The following ST3GAL2 variants were observed in gnomAD, a reference collection of about 807,000 sequenced individuals.
ST3GAL2 encodes CMP-N-acetylneuraminate-beta-galactosamide-alpha-2,3-sialyltransferase 2.
ST3GAL2 carries 16 observed loss-of-function variants against 37.5 expected under a neutral mutation model. The observed-to-expected ratio is 0.43, with a 90% CI of 0.29 to 0.65. ST3GAL2 has a LOEUF of 0.65. ST3GAL2 is among the 30% of genes least tolerant of loss of function. ST3GAL2 has a pLI of 0.17. For synonymous variants in ST3GAL2, 238 were observed against 202.9 expected (o/e 1.17, Z -1.47); for missense variants, 383 against 487.8 (o/e 0.79, Z 2.02).
In ST3GAL2 at chr16:70,398,398, T is replaced by C; in HGVS notation, c.133A>G (p.Thr45Ala). 6.2e-7 allele frequency: 1 copy of C among 1,613,658 alleles called. No homozygotes were observed. The highest frequency in any genetic ancestry group is 1.1e-5 in the South Asian group (1 of 91,084). The change falls in exon 2 of 7, where the codon ACG (threonine) becomes GCG (alanine). Residue 45 changes from threonine (T) to alanine (A), a missense_variant. Around this residue, in one of 2 missense-constraint regions of ST3GAL2, gnomAD observed 223 missense variants for 239.1 expected, o/e 0.93. Coordinates refer to ENST00000342907, the MANE Select transcript of ST3GAL2 (RefSeq NM_006927.4). ...PYLDSGALDG[T>A]HRVKLVPGYA... ...CCGGGCACCAGCTTCACCCGGTGCG[T>C]CCCATCCAGGGCCCCTGAGTCCAGG...
chr16:70,394,150 CG>C (rs1485173329), intron 3 of ST3GAL2, among the ~76,000 whole-genome samples: 1 of 152,188 alleles, frequency 6.6e-6, no homozygotes, highest in African/African-American at 2.4e-5. Flanking sequence ...CAAGACTGAA[CG>C]CCCTCCCAAC....
intron 1 of ST3GAL2, among the ~76,000 whole-genome samples, chr16:70,418,953 A>G (rs1229867655): frequency 6.6e-6 from 1 of 152,182 alleles, no homozygotes; most frequent in Non-Finnish European, 1.5e-5. Context: ...CAGGAAGAGG[A>G]GACTCCAGGG....
chr16:70,382,927 G>A lies in ST3GAL2; in HGVS notation c.760-3C>T, dbSNP rs1319823681. 1.2e-6 allele frequency: 2 copies of A among 1,612,538 alleles called. No individual in the cohort carries two copies. Among genetic ancestry groups the A allele is most frequent in the East Asian group, 4.5e-5 (2 of 44,858 alleles). On this transcript the variant is annotated splice_polypyrimidine_tract_variant and splice_region_variant and intron_variant, in intron 5 of 6. Coordinates refer to ENST00000342907, the MANE Select transcript of ST3GAL2 (RefSeq NM_006927.4). ...AAGGCTGGGTTGTAGATCTGGACCT[G>A]GGAGGAGAAGGGATGACAGGTATAT...
rs2047403864 is a variant in ST3GAL2, at chr16:70,381,487, T to C, written c.*202A>G. ...CGGAAGTTTTCCTTGAGTCACATGATTGGCTGGGAGAAACAGAAGCTCCGC... is the reference window on the plus strand; with the variant it reads ...CGGAAGTTTTCCTTGAGTCACATGACTGGCTGGGAGAAACAGAAGCTCCGC... On this transcript the variant is annotated 3_prime_UTR_variant, in exon 7 of 7. Coordinates refer to ENST00000342907, the MANE Select transcript of ST3GAL2 (RefSeq NM_006927.4). The C allele has an allele frequency of 1.6e-5, 10 of 627,162 alleles. No homozygotes were observed. Among genetic ancestry groups the C allele is most frequent in the Admixed American group, 6.1e-5 (2 of 33,054 alleles). The allele number at this position is 627,162 out of a possible 1,614,324, so 38.8% of individuals were successfully genotyped here.
chr16:70,390,666 C>T (rs948422076), intron 3 of ST3GAL2, among the ~76,000 whole-genome samples: 2 of 152,192 alleles, frequency 1.3e-5, no homozygotes, highest in African/African-American at 2.4e-5. Flanking sequence ...TCCCCTCTCT[C>T]CTGCTGCTGT....
In ST3GAL2 at chr16:70,388,432, C is replaced by T; in HGVS notation, c.648G>A (p.Leu216=). ...GAAGGTCCAGGACCTTGAAGGGCAC[C>T]AGCACGAAGCTGACGTTGGCGGGCA... The part of the protein sequence containing the change: ...KNLPANVSFV[L]VPFKVLDLLW... The change falls in exon 4 of 7, where the codon CTG becomes CTA. Residue 216 remains leucine (L), a synonymous_variant. Coordinates refer to ENST00000342907, the MANE Select transcript of ST3GAL2 (RefSeq NM_006927.4). 6.2e-7 allele frequency: 1 copy of T among 1,614,144 alleles called. No homozygotes were observed. The highest frequency in any genetic ancestry group is 8.5e-7 in the Non-Finnish European group (1 of 1,180,034).
intron 1 of ST3GAL2, among the ~76,000 whole-genome samples, chr16:70,425,925 C>T (rs1030477348): frequency 2.0e-5 from 3 of 152,160 alleles, no homozygotes; most frequent in Non-Finnish European, 4.4e-5. Context: ...ACTGCCCAGA[C>T]GTGCGGATGG....
chr16:70,386,421 T>C (rs576462055), intron 4 of ST3GAL2, among the ~76,000 whole-genome samples: 1 of 152,222 alleles, frequency 6.6e-6, no homozygotes, highest in South Asian at 2.1e-4. Flanking sequence ...CTCCATCTCC[T>C]TACCTTGTGA....
intron 1 of ST3GAL2, among the ~76,000 whole-genome samples, chr16:70,420,382 G>C (rs2047706891): frequency 6.6e-6 from 1 of 152,188 alleles, no homozygotes; most frequent in African/African-American, 2.4e-5. Flanking sequence ...GAGACCTAGG[G>C]AAACAGGCAT....
At chr16:70,384,413 T>C (rs1170350503) in intron 4 of ST3GAL2, among the ~76,000 whole-genome samples, 2 of 152,114 alleles carry the variant, frequency 1.3e-5, no homozygotes, top group East Asian at 1.9e-4. Context: ...GCATAAAGAA[T>C]AGTCAAATCA....
chr16:70,411,210 C>T (rs778006799), intron 1 of ST3GAL2, among the ~76,000 whole-genome samples: 19 of 151,946 alleles, frequency 1.3e-4, no homozygotes, highest in Non-Finnish European at 1.8e-4. Context: ...CATGGTGAAA[C>T]CCCATCTCTA....
At chr16:70,426,362 C>A (rs2047751473) in intron 1 of ST3GAL2, among the ~76,000 whole-genome samples, 1 of 150,646 alleles carries the variant, frequency 6.6e-6, no homozygotes, top group Non-Finnish European at 1.5e-5. Flanking sequence ...CCACACCCAG[C>A]TAATTCTTTA....
At position 70,395,187 on chromosome 16, in the gene ST3GAL2, A is replaced by C. The variant is rs754853817; in HGVS notation, c.340-12T>G. ...TGGGGCTGCAGCATCTGTGGAAGGG[A>C]GGGGAAGATGGGAAACGAGGAAGGG... On this transcript the variant is annotated splice_polypyrimidine_tract_variant and intron_variant, in intron 2 of 6. Transcript: ENST00000342907. 53 of 1,589,202 alleles carry C rather than the reference A, an allele frequency of 3.3e-5. No individual in the cohort carries two copies. The highest frequency in any genetic ancestry group is 4.1e-5 in the African/African-American group (3 of 73,746).
intron 1 of ST3GAL2, among the ~76,000 whole-genome samples, chr16:70,413,856 T>C (rs969851092): frequency 3.3e-5 from 5 of 152,132 alleles, no homozygotes; most frequent in Non-Finnish European, 5.9e-5. Flanking sequence ...ATTCAAGCAA[T>C]TTCCTAGCTC....
chr16:70,423,677 T>A (rs532718301), intron 1 of ST3GAL2, among the ~76,000 whole-genome samples: 3 of 150,636 alleles, frequency 2.0e-5, no homozygotes, highest in South Asian at 2.1e-4. Flanking sequence ...CTCAATGATT[T>A]TTTTTTTTTT....
intron 4 of ST3GAL2, among the ~76,000 whole-genome samples, chr16:70,384,372 A>G (rs1485251706): frequency 6.6e-6 from 1 of 152,206 alleles, no homozygotes; most frequent in Non-Finnish European, 1.5e-5. Flanking sequence ...AGACAAAAGG[A>G]CAAATACTGT....
Position 70,398,396 on chromosome 16 carries a change from C to T in ST3GAL2, c.135G>A (p.Thr45=), listed in dbSNP as rs765080144. 33 of 1,613,634 alleles carry T rather than the reference C, an allele frequency of 2.0e-5. No individual in the cohort carries two copies. The highest frequency in any genetic ancestry group is 9.9e-5 in the South Asian group (9 of 91,090). ...AGCCGGGCACCAGCTTCACCCGGTGCGTCCCATCCAGGGCCCCTGAGTCCA... is the reference window on the plus strand; with the variant it reads ...AGCCGGGCACCAGCTTCACCCGGTGTGTCCCATCCAGGGCCCCTGAGTCCA... ...PYLDSGALDG[T]HRVKLVPGYA... The change falls in exon 2 of 7, where the codon ACG becomes ACA. Residue 45 remains threonine (T), a synonymous_variant. Coordinates refer to ENST00000342907, the MANE Select transcript of ST3GAL2 (RefSeq NM_006927.4).
intron 1 of ST3GAL2, among the ~76,000 whole-genome samples, chr16:70,412,297 T>C (rs75273855): frequency 0.055 from 8,443 of 152,288 alleles, 288 homozygotes; most frequent in Non-Finnish European, 0.073. Context: ...AGATATTATT[T>C]GTGATCTAAT....
intron 1 of ST3GAL2, among the ~76,000 whole-genome samples, chr16:70,419,140 G>C (rs1222171933): frequency 6.6e-6 from 1 of 152,188 alleles, no homozygotes; most frequent in Non-Finnish European, 1.5e-5. Flanking sequence ...CCAGCAGGCT[G>C]GCCACCCTGG....
Sources: allele counts gnomAD v4.1 joint callset (sites outside exome capture counted in the v4.1 genomes callset), GRCh38; gene constraint gnomAD v4.1.1; regional missense constraint gnomAD v4.1.1; transcripts MANE v1.5; gene names NCBI Gene and HGNC (gene_info 2026-07-23, HGNC 2026-07-21).